CAB39: variants seen among roughly 807,000 people sequenced by gnomAD.
The protein encoded by CAB39 is calcium binding protein 39, also known as calcium-binding protein 39.
In CAB39, 8 loss-of-function variants were observed where a neutral mutation model predicts 40.0. The observed-to-expected ratio is 0.20, with a 90% CI of 0.12 to 0.36. The LOEUF (loss-of-function observed/expected upper bound fraction) is 0.36. Ranked by LOEUF, CAB39 falls within the 10% of genes least tolerant of loss-of-function variation. CAB39 has a pLI of 1.00. For synonymous variants in CAB39, 156 were observed against 141.6 expected, an observed-to-expected ratio of 1.10 and a Z score of -0.72; for missense variants, 270 against 401.1, an observed-to-expected ratio of 0.67 and a Z score of 2.79.
intron 1 of CAB39, among the ~76,000 whole-genome samples, chr2:230,755,079 T>A (rs1371740348): frequency 1.1e-4 from 16 of 151,968 alleles, no homozygotes; most frequent in Admixed American, 1.0e-3. Flanking sequence ...ACACACACAC[T>A]CAACAGTTTC....
At chr2:230,724,146 C>T (rs1269125563) in intron 1 of CAB39, among the ~76,000 whole-genome samples, 2 of 151,708 alleles carry the variant, frequency 1.3e-5, no homozygotes, top group African/African-American at 4.8e-5. Context: ...ACTTGGGAGG[C>T]TGAGGCATAA....
intron 2 of CAB39, among the ~76,000 whole-genome samples, chr2:230,774,712 A>G (rs1239661043): frequency 1.3e-5 from 2 of 152,174 alleles, no homozygotes; most frequent in Admixed American, 6.5e-5. Flanking sequence ...GAGGGGGGAA[A>G]GGGAGTAGCC....
At chr2:230,722,936 C>T (rs1022262298) in intron 1 of CAB39, among the ~76,000 whole-genome samples, 7 of 152,088 alleles carry the variant, frequency 4.6e-5, no homozygotes, top group Admixed American at 1.3e-4. Context: ...AATTGACTCT[C>T]GGTTGCCGAG....
Position 230,771,569 on chromosome 2 carries a change from A to AT in CAB39, c.114+11456dup, listed in dbSNP as rs555950345. Among the ~76,000 whole-genome samples, 736 of 152,324 alleles carry AT rather than the reference A, an allele frequency of 4.8e-3. 1 individual carries two copies. Among genetic ancestry groups the AT allele is most frequent in the Middle Eastern group, 0.01 (3 of 294 alleles). On this transcript the variant is annotated intron_variant, in intron 2 of 8. Transcript: ENST00000258418. ...CACTTCTCTCCAGATGTATCTAGAG[A>AT]TTCTGTGCAATTCCAGCAGGATTTT...
intron 2 of CAB39, among the ~76,000 whole-genome samples, chr2:230,772,152 A>T (rs1695492855): frequency 6.6e-6 from 1 of 152,240 alleles, no homozygotes; most frequent in Non-Finnish European, 1.5e-5. Flanking sequence ...ACTGGAAGAA[A>T]GTCTGCAAAG....
At chr2:230,783,561 A>G (rs1273817433) in intron 2 of CAB39, among the ~76,000 whole-genome samples, 1 of 150,198 alleles carries the variant, frequency 6.7e-6, no homozygotes, top group African/African-American at 2.5e-5. Context: ...GCTCAGTTCA[A>G]CCTCTGCACC....
At chr2:230,715,295 G>A (rs1344000284) in intron 1 of CAB39, among the ~76,000 whole-genome samples, 1 of 152,168 alleles carries the variant, frequency 6.6e-6, no homozygotes, top group Non-Finnish European at 1.5e-5. Context: ...CTACTAGTGT[G>A]GACAGAACTT....
chr2:230,807,528 C>G (rs188962451), intron 5 of CAB39, among the ~76,000 whole-genome samples: 1 of 151,554 alleles, frequency 6.6e-6, no homozygotes, highest in East Asian at 2.0e-4. Flanking sequence ...TTCAATCGCT[C>G]TTACCCCAAA....
At chr2:230,776,844 C>T (rs1381599797) in intron 2 of CAB39, among the ~76,000 whole-genome samples, 7 of 152,224 alleles carry the variant, frequency 4.6e-5, no homozygotes, top group Non-Finnish European at 5.9e-5. Flanking sequence ...GCGCCTGCCA[C>T]GCCCGGCTAA....
At chr2:230,751,630 A>G (rs932684821) in intron 1 of CAB39, among the ~76,000 whole-genome samples, 3 of 152,182 alleles carry the variant, frequency 2.0e-5, no homozygotes. Flanking sequence ...TATATTCTCT[A>G]GCACTTTCTT....
At chr2:230,733,630 T>G (rs1694734461) in intron 1 of CAB39, among the ~76,000 whole-genome samples, 1 of 152,220 alleles carries the variant, frequency 6.6e-6, no homozygotes, top group South Asian at 2.1e-4. Context: ...AAAGAGAAAT[T>G]GGGGAGTTGC....
chr2:230,739,220 G>T (rs927260311), intron 1 of CAB39, among the ~76,000 whole-genome samples: 17 of 152,312 alleles, frequency 1.1e-4, no homozygotes, highest in African/African-American at 4.1e-4. Flanking sequence ...AAGGAAAATA[G>T]ATATTTTTAA....
At chr2:230,761,483 G>A (rs557293886) in intron 2 of CAB39, among the ~76,000 whole-genome samples, 47 of 152,188 alleles carry the variant, frequency 3.1e-4, no homozygotes, top group Admixed American at 2.0e-3. Flanking sequence ...CATAGTTGTT[G>A]TATCACTTGT....
At chr2:230,791,664 C>T (rs1695894701) in intron 3 of CAB39, among the ~76,000 whole-genome samples, 1 of 152,134 alleles carries the variant, frequency 6.6e-6, no homozygotes, top group South Asian at 2.1e-4. Context: ...CATCACAGGG[C>T]GTCTACACCT....
chr2:230,713,014 G>A lies in CAB39; in HGVS notation c.-260G>A, dbSNP rs1397030861. 6.6e-6 allele frequency: 1 copy of A among 150,688 alleles called. No homozygotes were observed. The highest frequency in any genetic ancestry group is 1.5e-5 in the Non-Finnish European group (1 of 67,476). The allele number at this position is 150,688 out of a possible 1,614,324, so 9.3% of individuals were successfully genotyped here. On this transcript the variant is annotated 5_prime_UTR_variant, in exon 1 of 9. Transcript: ENST00000258418. ...GCAGCCCAAGCGAGCGCAGCAGCGC[G>A]GCGGCAGCCGCGGGAGCCCCTGGGC...
At chr2:230,725,018 C>G (rs1167405628) in intron 1 of CAB39, 2 of 1,185,474 alleles carry the variant, frequency 1.7e-6, no homozygotes, top group East Asian at 5.1e-5. Flanking sequence ...CCCAAAAGAC[C>G]CCGGAGTACG....
intron 3 of CAB39, among the ~76,000 whole-genome samples, chr2:230,792,212 C>A (rs1189643738): frequency 6.6e-6 from 1 of 152,186 alleles, no homozygotes; most frequent in Non-Finnish European, 1.5e-5. Context: ...CCAACAGCAA[C>A]AATTTGTATT....
At chr2:230,774,670 A>G (rs1472846009) in intron 2 of CAB39, among the ~76,000 whole-genome samples, 1 of 152,158 alleles carries the variant, frequency 6.6e-6, no homozygotes, top group Non-Finnish European at 1.5e-5. Context: ...CACTCATTTC[A>G]TGAGAGGAGT....
intron 2 of CAB39, among the ~76,000 whole-genome samples, chr2:230,784,120 G>T (rs1327807640): frequency 6.6e-6 from 1 of 152,120 alleles, no homozygotes; most frequent in Non-Finnish European, 1.5e-5. Flanking sequence ...GGTAGACGGG[G>T]ATAAATGGAT....
Sources: gnomAD v4.1 joint callset for allele counts (sites outside exome capture counted in the v4.1 genomes callset) on GRCh38, gnomAD v4.1.1 for gene constraint, MANE v1.5 for transcripts, NCBI Gene and HGNC (gene_info 2026-07-23, HGNC 2026-07-21) for gene names.